Variants in SETBP1 observed in about 807,000 individuals in gnomAD.
SETBP1 encodes the protein SET binding protein 1, also known as SET-binding protein.
In SETBP1, 9 loss-of-function variants were observed where a neutral mutation model predicts 101.0. That is an observed-to-expected ratio of 0.09 (90% CI 0.05 to 0.16). The LOEUF (loss-of-function observed/expected upper bound fraction) is 0.16, where lower values mean the gene tolerates loss of function less well. SETBP1 is among the 10% of genes least tolerant of loss of function. The probability of loss-of-function intolerance (pLI) is 1.00; values close to 1 mark genes in which losing one functional copy is unlikely to be tolerated. For missense variants in SETBP1, 1,858 were observed against 2,033.8 expected (o/e 0.91, Z 1.66); for synonymous variants, 818 against 788.5 (o/e 1.04, Z -0.63).
chr18:44,757,319 G>A (rs2070520048), intron 2 of SETBP1, among the ~76,000 whole-genome samples: 1 of 152,166 alleles, frequency 6.6e-6, no homozygotes, highest in African/African-American at 2.4e-5. Flanking sequence ...TCCATTAGTG[G>A]TTTACCAACT....
intron 1 of SETBP1, chr18:44,697,198 T>C (rs1436596300): frequency 2.0e-5 from 3 of 152,264 alleles, no homozygotes; most frequent in Admixed American, 2.0e-4. Context: ...ACGCGCATTT[T>C]GGCAGGGCTG....
intron 2 of SETBP1, among the ~76,000 whole-genome samples, chr18:44,841,506 G>T (rs1011576922): frequency 6.6e-6 from 1 of 152,212 alleles, no homozygotes; most frequent in Non-Finnish European, 1.5e-5. Flanking sequence ...TTGAGAGGAA[G>T]AGTACCAAAG....
intron 2 of SETBP1, among the ~76,000 whole-genome samples, chr18:44,842,510 A>G (rs2072636667): frequency 2.0e-5 from 3 of 152,196 alleles, no homozygotes; most frequent in African/African-American, 7.2e-5. Flanking sequence ...CTGGTCATAG[A>G]ATCTGAAGGG....
intron 4 of SETBP1, among the ~76,000 whole-genome samples, chr18:45,003,853 T>G (rs925580816): frequency 1.2e-4 from 18 of 152,222 alleles, no homozygotes; most frequent in African/African-American, 4.3e-4. Context: ...TCACTGTGCT[T>G]TATGACTTAG....
chr18:44,908,952 T>G (rs1349231733), intron 3 of SETBP1, among the ~76,000 whole-genome samples: 1 of 152,226 alleles, frequency 6.6e-6, no homozygotes, highest in Non-Finnish European at 1.5e-5. Flanking sequence ...AAAATATATT[T>G]TTGCCATATT....
At chr18:44,849,911 G>C (rs1403401725) in intron 2 of SETBP1, among the ~76,000 whole-genome samples, 1 of 152,004 alleles carries the variant, frequency 6.6e-6, no homozygotes. Flanking sequence ...TCCATACTGA[G>C]TAATTATTTA....
intron 2 of SETBP1, among the ~76,000 whole-genome samples, chr18:44,797,343 C>T (rs1209086600): frequency 6.6e-6 from 1 of 152,180 alleles, no homozygotes; most frequent in African/African-American, 2.4e-5. Context: ...TTCTCCCATG[C>T]ATGTGTAACT....
chr18:44,722,771 G>A (rs2069628096), intron 2 of SETBP1, among the ~76,000 whole-genome samples: 1 of 152,192 alleles, frequency 6.6e-6, no homozygotes, highest in Non-Finnish European at 1.5e-5. Flanking sequence ...TGATTGTGAA[G>A]GGCATGTCTT....
intron 1 of SETBP1, chr18:44,697,063 A>T (rs2069030459): frequency 6.6e-6 from 1 of 152,294 alleles, no homozygotes; most frequent in Admixed American, 6.5e-5. Flanking sequence ...CCAAGTACAG[A>T]GTGTCCATTG....
intron 5 of SETBP1, among the ~76,000 whole-genome samples, chr18:45,061,044 A>G (rs1343700522): frequency 3.3e-5 from 5 of 152,232 alleles, no homozygotes; most frequent in African/African-American, 7.2e-5. Flanking sequence ...GATATAAACT[A>G]AAGAGAGGGC....
chr18:44,738,987 G>C (rs1388089247), intron 2 of SETBP1, among the ~76,000 whole-genome samples: 1 of 152,104 alleles, frequency 6.6e-6, no homozygotes, highest in African/African-American at 2.4e-5. Context: ...TCATTTAGAA[G>C]ACTCTAGGAG....
intron 2 of SETBP1, among the ~76,000 whole-genome samples, chr18:44,857,139 G>A (rs1040854245): frequency 6.6e-6 from 1 of 152,188 alleles, no homozygotes; most frequent in Admixed American, 6.5e-5. Flanking sequence ...AAGTAGAAAG[G>A]GTTGTGGAGA....
intron 3 of SETBP1, among the ~76,000 whole-genome samples, chr18:44,945,389 A>G (rs1370297484): frequency 1.3e-5 from 2 of 152,250 alleles, no homozygotes; most frequent in African/African-American, 2.4e-5. Context: ...AATTCTTTAC[A>G]TTACAGAAGA....
In SETBP1 at chr18:44,863,453, G is replaced by A. The variant is rs11663566; in HGVS notation, c.487-5777G>A. Among the ~76,000 whole-genome samples, 1,248 of 152,314 alleles carry A rather than the reference G, an allele frequency of 8.2e-3. 9 individuals carry two copies. The highest frequency in any genetic ancestry group is 0.014 in the Non-Finnish European group (929 of 68,034). ...CCTGCACACATATGATTAGATGTTT[G>A]CCTCGGCTTGCTGGAACAATTTTCC... On this transcript the variant is annotated intron_variant, in intron 2 of 5. Coordinates refer to ENST00000649279, the MANE Select transcript of SETBP1 (RefSeq NM_015559.3).
At chr18:44,869,320 G>A (rs2069215202) in intron 3 of SETBP1, 37 bp downstream of exon 3, 3 of 1,596,386 alleles carry the variant, frequency 1.9e-6, no homozygotes, top group African/African-American at 1.3e-5. Context: ...GTTTGGAAGA[G>A]TAAAATGATC....
At chr18:44,687,400 GC>G (rs2068856941) in intron 1 of SETBP1, among the ~76,000 whole-genome samples, 1 of 152,190 alleles carries the variant, frequency 6.6e-6, no homozygotes, top group Non-Finnish European at 1.5e-5. Context: ...GAGGATTAAT[GC>G]CCTTTGCTAA....
rs142182778 is a variant in SETBP1 at position 44,704,987 on chromosome 18, C to T, written c.486+3155C>T. Among the ~76,000 whole-genome samples the T allele has an allele frequency of 6.6e-4, 101 of 152,182 alleles. 1 individual carries two copies. Among genetic ancestry groups the T allele is most frequent in the African/African-American group, 2.3e-3 (97 of 41,522 alleles). ...CTGATCTTTGAGCTGCTAGTGATTC[C>T]TACTAGGGAGTCACCTGAATATATG... On this transcript the variant is annotated intron_variant, in intron 2 of 5. Coordinates refer to ENST00000649279, the MANE Select transcript of SETBP1 (RefSeq NM_015559.3).
intron 2 of SETBP1, among the ~76,000 whole-genome samples, chr18:44,804,938 ATG>A (rs2071696229): frequency 6.6e-6 from 1 of 152,126 alleles, no homozygotes; most frequent in Admixed American, 6.5e-5. Context: ...TCTGTGTGAC[ATG>A]TGTTTCACAG....
At chr18:44,937,454 CAAAAAAAAAA>C (rs34414710) in intron 3 of SETBP1, among the ~76,000 whole-genome samples, 1 of 83,394 alleles carries the variant, frequency 1.2e-5, no homozygotes, top group Non-Finnish European at 2.3e-5. Flanking sequence ...GACTCCGTCT[CAAAAAAAAAA>C]AAAAAAAAAA....
Sources: gnomAD v4.1 joint callset for allele counts (sites outside exome capture counted in the v4.1 genomes callset) on GRCh38, gnomAD v4.1.1 for gene constraint, MANE v1.5 for transcripts, NCBI Gene and HGNC (gene_info 2026-07-23, HGNC 2026-07-21) for gene names.